The following GPC5 variants were observed in gnomAD, a reference collection of about 807,000 sequenced individuals.
The protein encoded by GPC5 is glypican 5.
In GPC5, 47 loss-of-function variants were observed where a neutral mutation model predicts 53.9. That is an observed-to-expected ratio of 0.87 (90% CI 0.69 to 1.11). The LOEUF (loss-of-function observed/expected upper bound fraction) is 1.11, where lower values mean the gene tolerates loss of function less well. GPC5 is among the 50% of genes most tolerant of loss of function. GPC5 has a pLI of 0.00. For missense variants in GPC5, 748 were observed against 713.1 expected (o/e 1.05, Z -0.56); for synonymous variants, 286 against 263.3 (o/e 1.09, Z -0.84).
At chr13:92,658,012 A>T (rs1422734491) in intron 7 of GPC5, among the ~76,000 whole-genome samples, 1 of 152,134 alleles carries the variant, frequency 6.6e-6, no homozygotes, top group Non-Finnish European at 1.5e-5. Flanking sequence ...ACCTATTATC[A>T]TTTATAATAT....
intron 2 of GPC5, among the ~76,000 whole-genome samples, chr13:91,573,614 C>A (rs1330073369): frequency 1.3e-5 from 2 of 152,078 alleles, no homozygotes; most frequent in African/African-American, 4.8e-5. Context: ...AAATATTTGA[C>A]CCTATAAAAT....
rs1275584586 is a variant in GPC5, at chr13:92,385,678, TAC to T, written c.1561+240695_1561+240696del. Among the ~76,000 whole-genome samples the T allele has an allele frequency of 1.9e-3, 266 of 143,580 alleles. 2 individuals are homozygous for T. Among genetic ancestry groups the T allele is most frequent in the African/African-American group, 6.5e-3 (254 of 39,072 alleles). The allele number at this position is 143,580 out of a possible 152,430, so 94.2% of individuals were successfully genotyped here. ...ATATATATATACATATATACATATA[TAC>T]ACACATATATACCTATATACACATA... On this transcript the variant is annotated intron_variant, in intron 7 of 7. Coordinates refer to ENST00000377067, the MANE Select transcript of GPC5 (RefSeq NM_004466.6).
chr13:91,917,285 A>T (rs568619055), intron 6 of GPC5, among the ~76,000 whole-genome samples: 26 of 152,188 alleles, frequency 1.7e-4, no homozygotes, highest in Non-Finnish European at 1.5e-5. Flanking sequence ...GTTCCCAATG[A>T]TCTCCTTTGG....
chr13:92,758,167 T>G (rs1053044337), intron 7 of GPC5, among the ~76,000 whole-genome samples: 3 of 149,148 alleles, frequency 2.0e-5, no homozygotes, highest in Non-Finnish European at 4.5e-5. Flanking sequence ...AAATGATGAG[T>G]TCATGTCCTT....
chr13:92,207,582 T>C (rs1308149175), intron 7 of GPC5, among the ~76,000 whole-genome samples: 2 of 152,260 alleles, frequency 1.3e-5, no homozygotes, highest in African/African-American at 4.8e-5. Context: ...ATCTGTCTAT[T>C]GAGAAACCTC....
At chr13:92,164,435 G>T (rs1225953968) in intron 7 of GPC5, among the ~76,000 whole-genome samples, 1 of 152,092 alleles carries the variant, frequency 6.6e-6, no homozygotes, top group Non-Finnish European at 1.5e-5. Flanking sequence ...AATCCAATAG[G>T]GCAGTCATTT....
intron 7 of GPC5, among the ~76,000 whole-genome samples, chr13:92,170,831 A>G (rs1051623371): frequency 3.3e-5 from 5 of 152,188 alleles, no homozygotes; most frequent in African/African-American, 1.2e-4. Flanking sequence ...AGAGTCAGCA[A>G]CATTTGCTGA....
chr13:91,866,794 G>A (rs58791665), intron 5 of GPC5, among the ~76,000 whole-genome samples: 4,277 of 152,166 alleles, frequency 0.028, 213 homozygotes, highest in African/African-American at 0.097. Context: ...CACTTATTGC[G>A]GTTGCCTTCT....
intron 1 of GPC5, among the ~76,000 whole-genome samples, chr13:91,418,036 C>A (rs923243045): frequency 2.6e-5 from 4 of 152,144 alleles, no homozygotes; most frequent in Non-Finnish European, 5.9e-5. Context: ...ATCTCTCTTA[C>A]CTTCCAACTC....
chr13:91,485,078 A>G (rs986703720), intron 2 of GPC5, among the ~76,000 whole-genome samples: 1 of 152,248 alleles, frequency 6.6e-6, no homozygotes, highest in African/African-American at 2.4e-5. Context: ...ACTGAATCAG[A>G]GTTTTCATGT....
chr13:92,584,820 G>A (rs527871553), intron 7 of GPC5, among the ~76,000 whole-genome samples: 1 of 152,226 alleles, frequency 6.6e-6, no homozygotes, highest in African/African-American at 2.4e-5. Flanking sequence ...AGTCACTCCA[G>A]CCATGACTAA....
chr13:91,753,718 G>C (rs2037228395), intron 4 of GPC5, among the ~76,000 whole-genome samples: 1 of 152,114 alleles, frequency 6.6e-6, no homozygotes, highest in Non-Finnish European at 1.5e-5. Context: ...ATTCCCATAA[G>C]CACAGTCCCC....
intron 7 of GPC5, among the ~76,000 whole-genome samples, chr13:92,404,308 G>T (rs1283282614): frequency 6.6e-6 from 1 of 152,136 alleles, no homozygotes; most frequent in Non-Finnish European, 1.5e-5. Context: ...CATGGACATT[G>T]TTAGTCATGT....
chr13:91,532,824 A>G (rs1886412399), intron 2 of GPC5, among the ~76,000 whole-genome samples: 1 of 152,156 alleles, frequency 6.6e-6, no homozygotes, highest in African/African-American at 2.4e-5. Flanking sequence ...AAGGTAGCCA[A>G]GATCACACCA....
intron 1 of GPC5, among the ~76,000 whole-genome samples, chr13:91,400,087 A>C (rs1461695594): frequency 6.6e-6 from 1 of 152,142 alleles, no homozygotes; most frequent in Non-Finnish European, 1.5e-5. Flanking sequence ...TAGCTGTCAA[A>C]CGCAATAGCA....
At position 91,606,156 on chromosome 13, in the gene GPC5, T is replaced by G. The variant is rs1261660938; in HGVS notation, c.326-87031T>G. On this transcript the variant is annotated intron_variant, in intron 2 of 7. Coordinates refer to ENST00000377067, the MANE Select transcript of GPC5 (RefSeq NM_004466.6). ...CAATACCTAATTTATTGAGAGTTTT[T>G]AGCATGAAGGGTTGTTGAATTTTGT... Among the ~76,000 whole-genome samples the G allele has an allele frequency of 2.8e-5, 4 of 145,308 alleles. No individual in the cohort carries two copies. In the East Asian group the frequency reaches 8.1e-4, roughly 29 times the overall value.
chr13:92,632,017 C>G (rs1885255532), intron 7 of GPC5, among the ~76,000 whole-genome samples: 1 of 152,148 alleles, frequency 6.6e-6, no homozygotes, highest in Non-Finnish European at 1.5e-5. Context: ...AATACTCAAC[C>G]TGTCCCTGTT....
chr13:92,280,799 A>T (rs9523586), intron 7 of GPC5, among the ~76,000 whole-genome samples: 13,005 of 152,204 alleles, frequency 0.085, 618 homozygotes, highest in Middle Eastern at 0.12. Context: ...GAACAGCTCC[A>T]GTCTATAGCT....
intron 6 of GPC5, among the ~76,000 whole-genome samples, chr13:91,985,146 T>C (rs1444135569): frequency 1.3e-5 from 2 of 152,232 alleles, no homozygotes; most frequent in African/African-American, 4.8e-5. Flanking sequence ...TTATTTGTTG[T>C]ATGCACATTT....
Sources: allele counts gnomAD v4.1 joint callset (sites outside exome capture counted in the v4.1 genomes callset), GRCh38; gene constraint gnomAD v4.1.1; transcripts MANE v1.5; gene names NCBI Gene and HGNC (gene_info 2026-07-23, HGNC 2026-07-21).